MAML3: variants seen among roughly 807,000 people sequenced by gnomAD.
MAML3 encodes mastermind-like protein 3.
A neutral mutation model predicts 101.9 loss-of-function variants in MAML3; 27 were observed. The observed-to-expected ratio is 0.27, with a 90% CI of 0.20 to 0.37. The LOEUF is 0.37. Among genes scored for constraint, MAML3 ranks in the 10% least tolerant of loss-of-function variants. MAML3 has a pLI of 1.00. For missense variants in MAML3, 1,316 were observed against 1,444.9 expected, an observed-to-expected ratio of 0.91 and a Z score of 1.45; for synonymous variants, 501 against 555.9, an observed-to-expected ratio of 0.90 and a Z score of 1.39.
intron 1 of MAML3, among the ~76,000 whole-genome samples, chr4:139,959,603 C>T (rs1578617316): frequency 6.6e-6 from 1 of 152,272 alleles, no homozygotes; most frequent in Middle Eastern, 3.4e-3. Context: ...CAGCGAGTGG[C>T]AGGTATTGAA....
chr4:139,938,467 A>G (rs766603579), intron 1 of MAML3, among the ~76,000 whole-genome samples: 46 of 152,344 alleles, frequency 3.0e-4, no homozygotes, highest in Non-Finnish European at 5.0e-4. Context: ...CATTCAAGCC[A>G]CCTCTAGATC....
At chr4:139,934,155 TATG>T (rs1733460216) in intron 1 of MAML3, among the ~76,000 whole-genome samples, 1 of 151,988 alleles carries the variant, frequency 6.6e-6, no homozygotes, top group African/African-American at 2.4e-5. Context: ...TGAATGTGTT[TATG>T]AATATTTGTG....
At chr4:139,793,211 T>G (rs1185572447) in intron 2 of MAML3, among the ~76,000 whole-genome samples, 1 of 152,142 alleles carries the variant, frequency 6.6e-6, no homozygotes, top group Non-Finnish European at 1.5e-5. Flanking sequence ...ACCTTAAATT[T>G]AGAGTTACAG....
At chr4:139,837,940 T>A (rs773972213) in intron 2 of MAML3, among the ~76,000 whole-genome samples, 2 of 144,782 alleles carry the variant, frequency 1.4e-5, no homozygotes, top group African/African-American at 5.1e-5. Context: ...AAGAAAAAAA[T>A]ATATACATAT....
intron 1 of MAML3, among the ~76,000 whole-genome samples, chr4:140,151,768 G>T (rs942430969): frequency 6.6e-6 from 1 of 152,184 alleles, no homozygotes; most frequent in African/African-American, 2.4e-5. Context: ...ACCGGAGAGG[G>T]GAGATAAGAG....
At chr4:139,962,953 G>A (rs745429015) in intron 1 of MAML3, among the ~76,000 whole-genome samples, 12 of 152,240 alleles carry the variant, frequency 7.9e-5, no homozygotes, top group Non-Finnish European at 1.3e-4. Flanking sequence ...AAAGGGAACG[G>A]CAATAATCAT....
intron 2 of MAML3, among the ~76,000 whole-genome samples, chr4:139,877,576 C>A (rs900207584): frequency 6.6e-6 from 1 of 152,078 alleles, no homozygotes; most frequent in African/African-American, 2.4e-5. Flanking sequence ...AGAAAAACAA[C>A]CACTTTCATA....
intron 1 of MAML3, among the ~76,000 whole-genome samples, chr4:139,961,571 T>C (rs1734014070): frequency 6.6e-6 from 1 of 152,190 alleles, no homozygotes; most frequent in Admixed American, 6.5e-5. Flanking sequence ...CAGACTGTTT[T>C]AGATGTGCCT....
At chr4:139,844,614 C>G (rs1027206578) in intron 2 of MAML3, among the ~76,000 whole-genome samples, 1 of 152,212 alleles carries the variant, frequency 6.6e-6, no homozygotes, top group Admixed American at 6.5e-5. Flanking sequence ...GTGTGTACTG[C>G]TCTTAATCAT....
At chr4:139,960,113 G>C (rs1286468421) in intron 1 of MAML3, among the ~76,000 whole-genome samples, 1 of 152,116 alleles carries the variant, frequency 6.6e-6, no homozygotes, top group Admixed American at 6.5e-5. Context: ...CCCTACATTG[G>C]GGGAGGAAGG....
At chr4:139,868,013 T>C (rs898518638) in intron 2 of MAML3, among the ~76,000 whole-genome samples, 1 of 152,242 alleles carries the variant, frequency 6.6e-6, no homozygotes, top group Admixed American at 6.5e-5. Context: ...AAGTCCAATC[T>C]GTCAAGCATT....
chr4:140,021,510 A>G (rs955855537), intron 1 of MAML3, among the ~76,000 whole-genome samples: 3 of 152,224 alleles, frequency 2.0e-5, no homozygotes, highest in Admixed American at 6.5e-5. Flanking sequence ...TATAAGGTTC[A>G]AAGTAGCTAA....
intron 1 of MAML3, among the ~76,000 whole-genome samples, chr4:139,959,502 A>C (rs948299661): frequency 4.6e-5 from 7 of 152,194 alleles, no homozygotes; most frequent in Non-Finnish European, 8.8e-5. Context: ...TCAAGGTGAG[A>C]TTTCAGGTGT....
At chr4:139,834,615 T>C (rs911358345) in intron 2 of MAML3, among the ~76,000 whole-genome samples, 41 of 152,226 alleles carry the variant, frequency 2.7e-4, no homozygotes, top group African/African-American at 9.6e-4. Flanking sequence ...CTGATGCTGA[T>C]GGTTCCCTGG....
intron 1 of MAML3, among the ~76,000 whole-genome samples, chr4:139,911,232 T>C (rs1370885928): frequency 1.9e-4 from 29 of 152,044 alleles, no homozygotes; most frequent in Non-Finnish European, 3.2e-4. Flanking sequence ...CCTTTTTTTT[T>C]TTTGCGATGG....
chr4:140,002,452 C>T (rs970464581), intron 1 of MAML3, among the ~76,000 whole-genome samples: 1 of 152,152 alleles, frequency 6.6e-6, no homozygotes, highest in Non-Finnish European at 1.5e-5. Context: ...GCAGAAAACA[C>T]AAATATGATT....
intron 3 of MAML3, among the ~76,000 whole-genome samples, chr4:139,727,424 C>T (rs576277868): frequency 7.9e-5 from 12 of 152,322 alleles, no homozygotes; most frequent in South Asian, 6.2e-4. Flanking sequence ...GTCCCACTTA[C>T]GACTAGGAAT....
intron 2 of MAML3, among the ~76,000 whole-genome samples, chr4:139,800,451 G>C (rs546168493): frequency 6.6e-6 from 1 of 152,180 alleles, no homozygotes; most frequent in African/African-American, 2.4e-5. Flanking sequence ...TTGACTTGAT[G>C]ATGAGAATAA....
chr4:139,817,957 C>T (rs1730917416), intron 2 of MAML3, among the ~76,000 whole-genome samples: 1 of 152,228 alleles, frequency 6.6e-6, no homozygotes, highest in Non-Finnish European at 1.5e-5. Context: ...CCATCCCCAG[C>T]TCATCTCATC....
Sources: gnomAD v4.1 joint callset for allele counts (sites outside exome capture counted in the v4.1 genomes callset) on GRCh38, gnomAD v4.1.1 for gene constraint, MANE v1.5 for transcripts, NCBI Gene and HGNC (gene_info 2026-07-23, HGNC 2026-07-21) for gene names.